FGD3: variants seen among roughly 807,000 people sequenced by gnomAD.
FGD3 encodes FYVE, RhoGEF and PH domain containing 3.
FGD3 carries 45 observed loss-of-function variants against 71.8 expected under a neutral mutation model. The ratio of observed to expected loss-of-function variants is 0.63; its 90% confidence interval spans 0.49 to 0.80. The LOEUF (loss-of-function observed/expected upper bound fraction) is 0.80. FGD3 is among the 30% of genes least tolerant of loss of function. FGD3 has a pLI of 0.00. For synonymous variants in FGD3, 378 were observed against 392.8 expected (o/e 0.96, Z 0.44); for missense variants, 844 against 951.5 (o/e 0.89, Z 1.49).
At chr9:93,022,622 T>TA (rs1861966399) in intron 14 of FGD3, among the ~76,000 whole-genome samples, 1 of 152,066 alleles carries the variant, frequency 6.6e-6, no homozygotes, top group Non-Finnish European at 1.5e-5. Flanking sequence ...GGGGACTCTG[T>TA]AAGGTGGGCA....
chr9:93,034,882 C>G (rs771099051), intron 17 of FGD3, among the ~76,000 whole-genome samples: 35 of 152,282 alleles, frequency 2.3e-4, no homozygotes, highest in Non-Finnish European at 3.8e-4. Flanking sequence ...GGGTGGACCC[C>G]AGAGCCAGCC....
intron 6 of FGD3, among the ~76,000 whole-genome samples, chr9:93,009,222 C>A (rs1861196862): frequency 6.6e-6 from 1 of 151,370 alleles, no homozygotes; most frequent in East Asian, 1.9e-4. Context: ...GAGATCGCGC[C>A]ATTGCACTCC....
intron 12 of FGD3, 102 bp downstream of exon 12, chr9:93,019,963 C>A: frequency 1.6e-6 from 2 of 1,257,938 alleles, no homozygotes; most frequent in Non-Finnish European, 2.3e-6. Context: ...TCCGGGACTG[C>A]TGGCCCTGTG....
At chr9:92,970,614 T>C (rs1469987539) in intron 1 of FGD3, among the ~76,000 whole-genome samples, 1 of 152,216 alleles carries the variant, frequency 6.6e-6, no homozygotes, top group Non-Finnish European at 1.5e-5. Context: ...GTCTCAAGCC[T>C]GCATAGCAAG....
intron 2 of FGD3, among the ~76,000 whole-genome samples, 155 bp from the exon 3 acceptor site, chr9:92,976,053 G>A (rs1297340792): frequency 6.6e-6 from 1 of 152,124 alleles, no homozygotes; most frequent in East Asian, 1.9e-4. Flanking sequence ...AGCTGACCAG[G>A]GCATTCACAC....
intron 1 of FGD3, among the ~76,000 whole-genome samples, chr9:92,957,612 T>G (rs1564139783): frequency 6.6e-6 from 1 of 152,110 alleles, no homozygotes; most frequent in Non-Finnish European, 1.5e-5. Flanking sequence ...CACAAATCTT[T>G]TATCAGATAT....
chr9:92,949,840 A>G (rs906196793), intron 1 of FGD3, among the ~76,000 whole-genome samples: 1 of 152,158 alleles, frequency 6.6e-6, no homozygotes, highest in African/African-American at 2.4e-5. Flanking sequence ...CAACCCTCTG[A>G]GGAGCTCTCC....
At chr9:93,010,800 G>T (rs1376067358) in intron 7 of FGD3, among the ~76,000 whole-genome samples, 1 of 152,108 alleles carries the variant, frequency 6.6e-6, no homozygotes, top group African/African-American at 2.4e-5. Context: ...TGAGGGCAGA[G>T]AAAAATCTCC....
chr9:93,002,879 C>T (rs1454783963), intron 3 of FGD3, 46 bp from the exon 4 acceptor site: 2 of 1,597,094 alleles, frequency 1.3e-6, no homozygotes, highest in Non-Finnish European at 1.7e-6. Context: ...TGCCGATTCC[C>T]CAAGGCTCAT....
At chr9:92,964,384 G>C (rs1433449231) in intron 1 of FGD3, 1 of 152,216 alleles carries the variant, frequency 6.6e-6, no homozygotes, top group Non-Finnish European at 1.5e-5. Flanking sequence ...GGTGTTGGCC[G>C]AGCCCTGAGA....
At position 92,961,520 on chromosome 9, in the gene FGD3, C is replaced by G. The variant is rs565631486; in HGVS notation, c.-217-13718C>G. The stretch of plus-strand genomic sequence containing the variant: ...ATACTTCCTGGTGGTTGCTTCTCCA[C>G]TGTGGGCTGATCCCACCATTCCCCA... On this transcript the variant is annotated intron_variant, in intron 1 of 17. Transcript: ENST00000375482. Among the ~76,000 whole-genome samples, 14 of 152,356 alleles carry G rather than the reference C, an allele frequency of 9.2e-5. 1 individual carries two copies. The South Asian group carries it at 2.9e-3, about 32-fold the overall frequency.
chr9:92,995,951 G>A (rs572102815), intron 3 of FGD3, among the ~76,000 whole-genome samples: 2 of 151,918 alleles, frequency 1.3e-5, no homozygotes, highest in East Asian at 1.9e-4. Context: ...TTTTTGTTGT[G>A]TCTCTGCCAG....
At chr9:93,016,427 T>A (rs1165684964) in intron 10 of FGD3, among the ~76,000 whole-genome samples, 1 of 134,298 alleles carries the variant, frequency 7.4e-6, no homozygotes, top group Non-Finnish European at 1.5e-5. Context: ...AACCTCCACC[T>A]CCTGGGTTCA....
chr9:93,028,218 G>GCACACACA (rs547210870), intron 14 of FGD3, among the ~76,000 whole-genome samples: 15 of 141,050 alleles, frequency 1.1e-4, no homozygotes, highest in South Asian at 2.3e-4. Context: ...ACACACACAC[G>GCACACACA]CACACACACA....
chr9:93,025,316 C>T (rs1016066914), intron 14 of FGD3, among the ~76,000 whole-genome samples: 4 of 152,210 alleles, frequency 2.6e-5, no homozygotes, highest in African/African-American at 9.6e-5. Flanking sequence ...ACCAAACAAC[C>T]ACAGACCTCA....
chr9:92,999,589 CTT>C (rs886295047), intron 3 of FGD3, among the ~76,000 whole-genome samples: 123 of 131,088 alleles, frequency 9.4e-4, no homozygotes, highest in Middle Eastern at 3.9e-3. Flanking sequence ...ATCTTGGAAC[CTT>C]TTTTTTTTTT....
At chr9:92,965,892 G>T (rs886073945) in intron 1 of FGD3, among the ~76,000 whole-genome samples, 1 of 152,242 alleles carries the variant, frequency 6.6e-6, no homozygotes, top group Non-Finnish European at 1.5e-5. Context: ...TAAGGGCAGT[G>T]CTGGGCAGGT....
intron 8 of FGD3, among the ~76,000 whole-genome samples, chr9:93,012,044 C>T (rs1322414680): frequency 2.7e-5 from 4 of 150,740 alleles, no homozygotes; most frequent in Non-Finnish European, 5.9e-5. Context: ...GTCCCAGCTA[C>T]TCAGGAGGCT....
At chr9:93,030,122 T>C in intron 15 of FGD3, 126 bp downstream of exon 15, 6 of 1,115,066 alleles carry the variant, frequency 5.4e-6, no homozygotes, top group Non-Finnish European at 7.5e-6. Context: ...GGCTTCCTGA[T>C]CCTGGCTCAT....
Sources: gnomAD v4.1 joint callset for allele counts (sites outside exome capture counted in the v4.1 genomes callset) on GRCh38, gnomAD v4.1.1 for gene constraint, MANE v1.5 for transcripts, NCBI Gene and HGNC (gene_info 2026-07-23, HGNC 2026-07-21) for gene names.